Variants in CENPN observed in about 807,000 individuals in gnomAD.
CENPN encodes centromere protein N, also known as interphase centromere complex protein 32.
CENPN carries 36 observed loss-of-function variants against 48.6 expected under a neutral mutation model. The ratio of observed to expected loss-of-function variants is 0.74; its 90% confidence interval spans 0.57 to 0.98. The LOEUF (loss-of-function observed/expected upper bound fraction) is 0.98. Among genes scored for constraint, CENPN ranks in the 50% least tolerant of loss-of-function variants. CENPN has a pLI of 0.00. For synonymous variants in CENPN, 166 were observed against 135.2 expected, an observed-to-expected ratio of 1.23 and a Z score of -1.58; for missense variants, 439 against 399.2, an observed-to-expected ratio of 1.10 and a Z score of -0.85.
At chr16:81,021,154 T>C (rs966116484) in intron 6 of CENPN, among the ~76,000 whole-genome samples, 1 of 152,164 alleles carries the variant, frequency 6.6e-6, no homozygotes, top group Non-Finnish European at 1.5e-5. Context: ...ACCTCATTAC[T>C]TTTTCATAAT....
intron 7 of CENPN, chr16:81,023,052 C>G (rs1391581902): frequency 6.8e-6 from 4 of 585,474 alleles, no homozygotes; most frequent in African/African-American, 1.9e-5. Context: ...GTAGAATTAA[C>G]TTTTTGTCCC....
Position 81,031,472 on chromosome 16 carries a change from C to G in CENPN, c.*2821C>G, listed in dbSNP as rs1026062703. ...AATTCCTAAGACCTCAATAAAAACA[C>G]CTTGTCTTGCTGCTTTGCAGTGTGG... On this transcript the variant is annotated 3_prime_UTR_variant, in exon 11 of 11. Transcript: ENST00000305850. 1 of 152,186 alleles carries G rather than the reference C, an allele frequency of 6.6e-6. No homozygotes were observed. Among genetic ancestry groups the G allele is most frequent in the African/African-American group, 2.4e-5 (1 of 41,438 alleles). 9.4% of individuals were successfully genotyped at this position (152,186 alleles called of 1,614,324 possible).
chr16:81,015,842 C>T (rs1278101552), intron 3 of CENPN, among the ~76,000 whole-genome samples: 2 of 152,088 alleles, frequency 1.3e-5, no homozygotes, highest in South Asian at 4.2e-4. Context: ...CCCATCTCTA[C>T]TAAAAATACA....
Position 81,028,756 on chromosome 16 carries a change from G to A in CENPN, c.*105G>A. ...TCCGTCTGTAAACTTGTATTTTCAA[G>A]AATCCTTGGTATTGAATTTTTAGAA... On this transcript the variant is annotated 3_prime_UTR_variant, in exon 11 of 11. Transcript: ENST00000305850. 6.7e-7 allele frequency: 1 copy of A among 1,481,970 alleles called. No homozygotes were observed. The highest frequency in any genetic ancestry group is 2.4e-5 in the East Asian group (1 of 40,856). 91.8% of individuals were successfully genotyped at this position (1,481,970 alleles called of 1,614,324 possible). A position where few individuals can be genotyped will look rare whatever the true frequency, so the allele number is the denominator to read the frequency against.
chr16:81,026,432 ACAAACAATT>A (rs1970496044), intron 8 of CENPN, 85 bp from the exon 9 acceptor site: 1 of 529,294 alleles, frequency 1.9e-6, no homozygotes, highest in Non-Finnish European at 3.3e-6. Flanking sequence ...TTAAAATTAT[ACAAACAATT>A]CGAAGGGTTA....
intron 8 of CENPN, among the ~76,000 whole-genome samples, 167 bp downstream of exon 8, chr16:81,024,945 A>C (rs1229979299): frequency 2.0e-5 from 3 of 152,260 alleles, no homozygotes. Context: ...AATCTACCAT[A>C]GTTCTCCTTT....
At position 81,012,056 on chromosome 16, in the gene CENPN, A is replaced by C. The variant is rs756864463; in HGVS notation, c.117A>C (p.Val39=). Residue 39 remains valine, a synonymous_variant, in exon 2 of 11, where the codon GTA becomes GTC. Coordinates refer to ENST00000305850, the MANE Select transcript of CENPN (RefSeq NM_001100624.3). ...TGTCTGAAAATCAACTGCAGACTGT[A>C]AATTTCCGACAGAGAAAGGAATCTG... The part of the protein sequence containing the change: ...DFLSENQLQT[V]NFRQRKESVV... 2 of 1,614,062 alleles carry C rather than the reference A, an allele frequency of 1.2e-6. No individual in the cohort carries two copies. Among genetic ancestry groups the C allele is most frequent in the Non-Finnish European group, 8.5e-7 (1 of 1,180,024 alleles).
chr16:81,029,921 G>A lies in CENPN; in HGVS notation c.*1270G>A, dbSNP rs1330225456. On this transcript the variant is annotated 3_prime_UTR_variant, in exon 11 of 11. Transcript: ENST00000305850. ...GACTGGGTAATTCACAAAGGAAAGA[G>A]GCTTAACTGACGCACATTTCCACGT... 6.6e-6 allele frequency among the ~76,000 whole-genome samples: 1 copy of A among 152,174 alleles called. No homozygotes were observed. Among genetic ancestry groups the A allele is most frequent in the Non-Finnish European group, 1.5e-5 (1 of 68,042 alleles).
intron 7 of CENPN, chr16:81,023,222 G>T (rs1597101940): frequency 3.7e-6 from 1 of 273,796 alleles, no homozygotes. Flanking sequence ...TTCAAACTAT[G>T]CATGGCAGAT....
intron 1 of CENPN, among the ~76,000 whole-genome samples, chr16:81,011,587 C>CT (rs1271293167): frequency 6.6e-6 from 1 of 152,178 alleles, no homozygotes; most frequent in Non-Finnish European, 1.5e-5. Flanking sequence ...TTTTTAAACT[C>CT]TAAAACATTT....
chr16:81,026,528 G>T lies in CENPN; in HGVS notation c.700G>T (p.Asp234Tyr). 1 of 1,528,858 alleles carries T rather than the reference G, an allele frequency of 6.5e-7. No individual in the cohort carries two copies. Among genetic ancestry groups the T allele is most frequent in the Non-Finnish European group, 9.0e-7 (1 of 1,108,762 alleles). The allele number at this position is 1,528,858 out of a possible 1,614,324, so 94.7% of individuals were successfully genotyped here. A position where few individuals can be genotyped will look rare whatever the true frequency, so the allele number is the denominator to read the frequency against. The change falls in exon 9 of 11, where the codon GAT becomes TAT. Residue 234 changes from aspartate to tyrosine, a missense_variant and splice_region_variant. Coordinates refer to ENST00000305850, the MANE Select transcript of CENPN (RefSeq NM_001100624.3). ...ERSLGLDINM[D>Y]SRIIHENIVE... ...TATTTGAAATCTTCCACCCATAGTG[G>T]ATTCAAGGATCATTCATGAAAACAT...
chr16:81,032,646 G>C (rs1032805596), downstream of CENPN: 2 of 1,613,194 alleles, frequency 1.2e-6, no homozygotes, highest in South Asian at 1.1e-5. Flanking sequence ...CGAGCAGCTG[G>C]CAGAAGGACT....
At chr16:81,012,717 T>C (rs1199641674) in intron 2 of CENPN, among the ~76,000 whole-genome samples, 1 of 152,220 alleles carries the variant, frequency 6.6e-6, no homozygotes, top group Non-Finnish European at 1.5e-5. Context: ...TGCCTCAGCC[T>C]GCTGAGTAGC....
chr16:81,027,840 A>T (rs890746770), intron 9 of CENPN, among the ~76,000 whole-genome samples: 2 of 152,146 alleles, frequency 1.3e-5, no homozygotes, highest in African/African-American at 4.8e-5. Flanking sequence ...GGGTAGCTGG[A>T]ATTACAGGTG....
At chr16:81,014,021 G>C (rs1054098568) in intron 2 of CENPN, 115 bp from the exon 3 acceptor site, 11 of 699,242 alleles carry the variant, frequency 1.6e-5, no homozygotes, top group Admixed American at 1.3e-4. Flanking sequence ...TGGGTTGTCA[G>C]TAAAGTACTG....
At chr16:81,026,067 A>G (rs201152886) in intron 8 of CENPN, among the ~76,000 whole-genome samples, 9,806 of 135,746 alleles carry the variant, frequency 0.072, 740 homozygotes, top group African/African-American at 0.18. Context: ...ATATATATAT[A>G]TATGTGTGTG....
intron 8 of CENPN, among the ~76,000 whole-genome samples, chr16:81,025,067 T>C (rs1203227562): frequency 6.6e-6 from 1 of 152,266 alleles, no homozygotes; most frequent in African/African-American, 2.4e-5. Context: ...GATGTTTATA[T>C]GTATTCTTTC....
chr16:81,027,807 C>G lies in CENPN; in HGVS notation c.811-364C>G, dbSNP rs184469293. The stretch of plus-strand genomic sequence containing the variant: ...GCAGCCTCCGCCTCCTGGGTTCAAG[C>G]AATTCTCATGCCTTGGCCTCCTGGG... On this transcript the variant is annotated intron_variant, in intron 9 of 10. Coordinates refer to ENST00000305850, the MANE Select transcript of CENPN (RefSeq NM_001100624.3). Among the ~76,000 whole-genome samples the G allele has an allele frequency of 2.0e-5, 3 of 152,310 alleles. No homozygotes were observed. In the East Asian group the frequency reaches 5.8e-4, roughly 29 times the overall value.
intron 4 of CENPN, 132 bp downstream of exon 4, chr16:81,017,517 A>C: frequency 1.4e-6 from 1 of 711,920 alleles, no homozygotes; most frequent in South Asian, 1.8e-5. Flanking sequence ...ATCCAAAAAA[A>C]AAAAATAGCA....
Sources: allele counts gnomAD v4.1 joint callset (sites outside exome capture counted in the v4.1 genomes callset), GRCh38; gene constraint gnomAD v4.1.1; transcripts MANE v1.5; gene names NCBI Gene and HGNC (gene_info 2026-07-23, HGNC 2026-07-21).